CNTNAP3B: variants seen among roughly 807,000 people sequenced by gnomAD.
CNTNAP3B encodes the protein contactin-associated protein-like 3B.
Under a neutral mutation model 108.9 loss-of-function variants are expected in CNTNAP3B, and 25 were observed. The observed-to-expected ratio is 0.23, with a 90% CI of 0.17 to 0.32. The LOEUF (loss-of-function observed/expected upper bound fraction) is 0.32. Ranked by LOEUF, CNTNAP3B falls within the 10% of genes least tolerant of loss-of-function variation. The pLI is 1.00. For missense variants in CNTNAP3B, 252 were observed against 1,210.4 expected, an observed-to-expected ratio of 0.21 and a Z score of 11.75; for synonymous variants, 103 against 473.4, an observed-to-expected ratio of 0.22 and a Z score of 10.16.
chr9:42,003,145 T>G (rs1187206265), intron 4 of CNTNAP3B, among the ~76,000 whole-genome samples: 1 of 139,668 alleles, frequency 7.2e-6, no homozygotes, highest in Non-Finnish European at 1.5e-5. Context: ...CACCTCAGCT[T>G]CACAAAGTGC....
intron 1 of CNTNAP3B, among the ~76,000 whole-genome samples, chr9:42,117,112 T>G (rs1374071144): frequency 1.4e-5 from 2 of 138,092 alleles, no homozygotes; most frequent in Non-Finnish European, 3.1e-5. Context: ...ATTAGACAGA[T>G]CAACAAGACA....
Position 41,940,667 on chromosome 9 carries a change from T to C in CNTNAP3B, c.2081-2267A>G, listed in dbSNP as rs1297389269. ...CCGTCTCTACTAAAAATACAAAAAA[T>C]AGACGAGCGTAGCGGCGGGAGCCTG... On this transcript the variant is annotated intron_variant, in intron 13 of 23. Coordinates refer to ENST00000377561, the MANE Select transcript of CNTNAP3B (RefSeq NM_001201380.3). Among the ~76,000 whole-genome samples the C allele has an allele frequency of 0.015, 2,299 of 149,616 alleles. 12 individuals carry two copies. The East Asian group carries it at 0.18, about 12-fold the overall frequency.
chr9:41,955,424 C>G (rs74429487), intron 12 of CNTNAP3B, among the ~76,000 whole-genome samples: 1 of 152,304 alleles, frequency 6.6e-6, no homozygotes, highest in Admixed American at 6.5e-5. Context: ...AAGAAGGACA[C>G]AGACCATTGT....
At chr9:42,018,854 T>A (rs1366056707) in intron 3 of CNTNAP3B, among the ~76,000 whole-genome samples, 1 of 151,744 alleles carries the variant, frequency 6.6e-6, no homozygotes, top group Non-Finnish European at 1.5e-5. Context: ...CTGGGGAGAA[T>A]GATGATCCGG....
intron 14 of CNTNAP3B, among the ~76,000 whole-genome samples, chr9:41,931,247 C>T (rs1218177348): frequency 1.4e-4 from 21 of 152,262 alleles, no homozygotes; most frequent in African/African-American, 5.1e-4. Context: ...TATTTTGATA[C>T]TAGAATACAA....
At chr9:42,079,713 G>A (rs1827571889) in intron 2 of CNTNAP3B, among the ~76,000 whole-genome samples, 1 of 137,274 alleles carries the variant, frequency 7.3e-6, no homozygotes. Context: ...GTAGAGACGG[G>A]GTTTCACCAC....
chr9:42,017,235 C>CT (rs1826234755), intron 3 of CNTNAP3B, among the ~76,000 whole-genome samples: 1 of 137,330 alleles, frequency 7.3e-6, no homozygotes, highest in Admixed American at 7.3e-5. Context: ...TTAAATCTAA[C>CT]AGTCACAGTC....
intron 3 of CNTNAP3B, among the ~76,000 whole-genome samples, chr9:42,024,907 C>G (rs1351164496): frequency 1.4e-5 from 2 of 143,592 alleles, no homozygotes; most frequent in African/African-American, 5.3e-5. Context: ...TTCAGCATCC[C>G]CTTTCTGAAT....
At chr9:41,923,424 T>C (rs1564143817) in intron 16 of CNTNAP3B, among the ~76,000 whole-genome samples, 1 of 151,846 alleles carries the variant, frequency 6.6e-6, no homozygotes, top group African/African-American at 2.4e-5. Flanking sequence ...GACATTTTAA[T>C]GGATTATTAC....
At chr9:42,075,278 T>C (rs1350278496) in intron 3 of CNTNAP3B, among the ~76,000 whole-genome samples, 1 of 146,388 alleles carries the variant, frequency 6.8e-6, no homozygotes, top group African/African-American at 2.6e-5. Flanking sequence ...TAAGGTCACA[T>C]TCTGAGGTAC....
chr9:41,963,412 G>C (rs1260222550), intron 11 of CNTNAP3B, among the ~76,000 whole-genome samples: 1 of 151,230 alleles, frequency 6.6e-6, no homozygotes, highest in East Asian at 1.9e-4. Context: ...CAGATTCTGT[G>C]ATGTTCTAAT....
chr9:41,977,812 T>C, intron 9 of CNTNAP3B, among the ~76,000 whole-genome samples: 1 of 132,568 alleles, frequency 7.5e-6, no homozygotes, highest in Non-Finnish European at 1.6e-5. Flanking sequence ...TTTGTATTTT[T>C]AGTAGAGACG....
intron 3 of CNTNAP3B, among the ~76,000 whole-genome samples, chr9:42,024,668 A>AC (rs1826383898): frequency 2.7e-5 from 2 of 74,950 alleles, no homozygotes; most frequent in Admixed American, 3.0e-4. Context: ...TCCAGGGTTC[A>AC]CAAAAAAAAA....
At chr9:41,962,005 G>C (rs1430231872) in intron 11 of CNTNAP3B, among the ~76,000 whole-genome samples, 1 of 152,286 alleles carries the variant, frequency 6.6e-6, no homozygotes, top group Non-Finnish European at 1.5e-5. Context: ...ATAGGGCACA[G>C]ACTAGGTTTG....
At chr9:41,963,258 A>T (rs1825161831) in intron 11 of CNTNAP3B, among the ~76,000 whole-genome samples, 1 of 152,388 alleles carries the variant, frequency 6.6e-6, no homozygotes, top group African/African-American at 2.4e-5. Flanking sequence ...GAGCAAGTGG[A>T]ACTGAGGACT....
chr9:41,957,420 A>AG (rs1442230417), intron 12 of CNTNAP3B, among the ~76,000 whole-genome samples: 5 of 72,314 alleles, frequency 6.9e-5, no homozygotes, highest in Non-Finnish European at 1.1e-4. Flanking sequence ...TTCTTTTTGC[A>AG]GGGGGTGGGG....
chr9:41,950,923 T>A (rs1454877971), intron 13 of CNTNAP3B, among the ~76,000 whole-genome samples: 3 of 148,760 alleles, frequency 2.0e-5, no homozygotes, highest in African/African-American at 5.0e-5. Flanking sequence ...ACCTGGCTAC[T>A]TTTTTGTATT....
chr9:41,933,405 C>T (rs1384173319), intron 14 of CNTNAP3B, among the ~76,000 whole-genome samples: 4,257 of 150,222 alleles, frequency 0.028, 20 homozygotes, highest in East Asian at 0.21. Context: ...GATACTGAGT[C>T]ATACTATCCA....
chr9:42,095,381 G>T lies in CNTNAP3B; in HGVS notation c.196+9248C>A, dbSNP rs1413768295. ...ATCACGGGTTTTAACCCACACCTTT[G>T]ATGTACTTGGCTCTAGTAAGTACAA... is the stretch of plus-strand genomic sequence containing the variant. On this transcript the variant is annotated intron_variant, in intron 2 of 23. Coordinates refer to ENST00000377561, the MANE Select transcript of CNTNAP3B (RefSeq NM_001201380.3). Among the ~76,000 whole-genome samples, 2 of 139,164 alleles carry T rather than the reference G, an allele frequency of 1.4e-5. 1 individual carries two copies. Among genetic ancestry groups the T allele is most frequent in the African/African-American group, 5.8e-5 (2 of 34,740 alleles). The allele number at this position is 139,164 out of a possible 152,430, so 91.3% of individuals were successfully genotyped here. A position where few individuals can be genotyped will look rare whatever the true frequency, so the allele number is the denominator to read the frequency against.
Sources: gnomAD v4.1 joint callset for allele counts (sites outside exome capture counted in the v4.1 genomes callset) on GRCh38, gnomAD v4.1.1 for gene constraint, MANE v1.5 for transcripts, NCBI Gene and HGNC (gene_info 2026-07-23, HGNC 2026-07-21) for gene names.